Variants in CTNNA3 observed in about 807,000 individuals in gnomAD.
CTNNA3 encodes catenin alpha 3, also known as catenin alpha-3.
In CTNNA3, 76 loss-of-function variants were observed where a neutral mutation model predicts 95.7. The observed-to-expected ratio is 0.79, with a 90% CI of 0.66 to 0.96. The LOEUF (loss-of-function observed/expected upper bound fraction) is 0.96, where lower values mean the gene tolerates loss of function less well. Among genes scored for constraint, CTNNA3 ranks in the 40% least tolerant of loss-of-function variants. The pLI, the probability that CTNNA3 is intolerant of heterozygous loss-of-function variation, is 0.00. For synonymous variants in CTNNA3, 431 were observed against 374.4 expected (o/e 1.15, Z -1.74); for missense variants, 1,191 against 1,089.8 (o/e 1.09, Z -1.31).
intron 14 of CTNNA3, among the ~76,000 whole-genome samples, chr10:66,070,387 A>C (rs570469727): frequency 6.6e-6 from 1 of 152,256 alleles, no homozygotes; most frequent in African/African-American, 2.4e-5. Context: ...TGACTCACGA[A>C]TAGAAATGGG....
chr10:67,711,739 C>G (rs1751767217), intron 1 of CTNNA3, among the ~76,000 whole-genome samples: 1 of 128,584 alleles, frequency 7.8e-6, no homozygotes, highest in Non-Finnish European at 1.6e-5. Flanking sequence ...CCCCCTCCCC[C>G]CACCCCACAA....
At chr10:66,234,605 A>T (rs189433378) in intron 13 of CTNNA3, among the ~76,000 whole-genome samples, 1 of 152,338 alleles carries the variant, frequency 6.6e-6, no homozygotes, top group African/African-American at 2.4e-5. Flanking sequence ...GAGACTGACA[A>T]CATGAAGTAG....
chr10:66,642,461 T>G (rs1845554784), intron 9 of CTNNA3, among the ~76,000 whole-genome samples: 1 of 152,148 alleles, frequency 6.6e-6, no homozygotes, highest in South Asian at 2.1e-4. Flanking sequence ...TATGAACCGC[T>G]GCCAAGATAT....
chr10:67,638,831 C>T (rs968013097), intron 2 of CTNNA3, among the ~76,000 whole-genome samples: 7 of 152,110 alleles, frequency 4.6e-5, no homozygotes, highest in Non-Finnish European at 8.8e-5. Flanking sequence ...ATACAACATA[C>T]CAGAATCTCT....
chr10:66,575,782 C>T (rs1036963438), intron 10 of CTNNA3, among the ~76,000 whole-genome samples: 6 of 152,070 alleles, frequency 3.9e-5, no homozygotes, highest in Non-Finnish European at 5.9e-5. Context: ...ACAACATAAC[C>T]GGTACATGGT....
chr10:66,840,989 T>A (rs1843049368), intron 7 of CTNNA3, among the ~76,000 whole-genome samples: 1 of 152,224 alleles, frequency 6.6e-6, no homozygotes, highest in Admixed American at 6.5e-5. Context: ...ATCATGTATG[T>A]TACCTGTTCT....
At chr10:66,894,677 TTTAA>T (rs1168351240) in intron 7 of CTNNA3, among the ~76,000 whole-genome samples, 2 of 152,054 alleles carry the variant, frequency 1.3e-5, no homozygotes, top group Non-Finnish European at 2.9e-5. Context: ...GAATGTATAT[TTTAA>T]TTAAGACATT....
chr10:66,479,469 T>C (rs1009526090), intron 11 of CTNNA3, among the ~76,000 whole-genome samples: 2 of 152,090 alleles, frequency 1.3e-5, no homozygotes, highest in Non-Finnish European at 2.9e-5. Context: ...TAAAATTCTT[T>C]AAATCAATAC....
chr10:67,611,256 A>G (rs771982066), intron 2 of CTNNA3, among the ~76,000 whole-genome samples: 1 of 152,210 alleles, frequency 6.6e-6, no homozygotes, highest in East Asian at 1.9e-4. Context: ...GAACCAAGCC[A>G]TCAACTGTCA....
At chr10:67,168,632 C>G (rs1325654515) in intron 7 of CTNNA3, among the ~76,000 whole-genome samples, 1 of 152,092 alleles carries the variant, frequency 6.6e-6, no homozygotes, top group Non-Finnish European at 1.5e-5. Context: ...GAACATACAT[C>G]AAAATAATAA....
chr10:67,562,507 C>G (rs1278650222), intron 3 of CTNNA3, among the ~76,000 whole-genome samples: 2 of 152,068 alleles, frequency 1.3e-5, no homozygotes, highest in East Asian at 1.9e-4. Flanking sequence ...TAAGAGCTAT[C>G]TATGACAAAC....
At chr10:66,729,033 C>G (rs112781291) in intron 9 of CTNNA3, among the ~76,000 whole-genome samples, 3 of 152,254 alleles carry the variant, frequency 2.0e-5, no homozygotes, top group African/African-American at 7.2e-5. Flanking sequence ...TTGTTTTTGT[C>G]AAGTTTGTCT....
At chr10:66,913,785 A>C (rs990112508) in intron 7 of CTNNA3, among the ~76,000 whole-genome samples, 3 of 152,214 alleles carry the variant, frequency 2.0e-5, no homozygotes, top group African/African-American at 2.4e-5. Flanking sequence ...CCAAGCAATC[A>C]AAAGACTACC....
At chr10:67,045,469 C>T (rs115534168) in intron 7 of CTNNA3, among the ~76,000 whole-genome samples, 2,617 of 152,024 alleles carry the variant, frequency 0.017, 71 homozygotes, top group African/African-American at 0.059. Flanking sequence ...CCTTGTGTTG[C>T]GAGGGCTGAC....
At chr10:66,524,225 T>G (rs1470632382) in intron 10 of CTNNA3, among the ~76,000 whole-genome samples, 3 of 152,238 alleles carry the variant, frequency 2.0e-5, no homozygotes, top group Non-Finnish European at 4.4e-5. Flanking sequence ...TAAATAGTAG[T>G]TATTCTATTG....
At chr10:66,939,074 CAG>C (rs1847867560) in intron 7 of CTNNA3, among the ~76,000 whole-genome samples, 1 of 152,178 alleles carries the variant, frequency 6.6e-6, no homozygotes, top group South Asian at 2.1e-4. Flanking sequence ...TACGCTATGA[CAG>C]AAACTAGGTC....
intron 15 of CTNNA3, among the ~76,000 whole-genome samples, chr10:66,013,448 G>A (rs994725276): frequency 6.6e-6 from 1 of 152,130 alleles, no homozygotes; most frequent in Non-Finnish European, 1.5e-5. Flanking sequence ...CTTAGAGCAT[G>A]TGCATGATCT....
chr10:66,916,122 G>C (rs1846482874), intron 7 of CTNNA3, among the ~76,000 whole-genome samples: 1 of 152,096 alleles, frequency 6.6e-6, no homozygotes, highest in Admixed American at 6.5e-5. Flanking sequence ...TGTAAAAGAG[G>C]TAGAGAGAGA....
At chr10:66,423,491 C>T (rs2093213414) in intron 11 of CTNNA3, among the ~76,000 whole-genome samples, 1 of 152,262 alleles carries the variant, frequency 6.6e-6, no homozygotes, top group African/African-American at 2.4e-5. Flanking sequence ...AGGGCATCAG[C>T]CTAATGGCTA....
Sources: gnomAD v4.1 joint callset for allele counts (sites outside exome capture counted in the v4.1 genomes callset) on GRCh38, gnomAD v4.1.1 for gene constraint, MANE v1.5 for transcripts, NCBI Gene and HGNC (gene_info 2026-07-23, HGNC 2026-07-21) for gene names.